The following BMP1 variants were observed in gnomAD, a reference collection of about 807,000 sequenced individuals.
BMP1 encodes the protein bone morphogenetic protein 1.
A neutral mutation model predicts 116.8 loss-of-function variants in BMP1; 63 were observed. The ratio of observed to expected loss-of-function variants is 0.54; its 90% CI spans 0.44 to 0.67. BMP1 has a LOEUF of 0.67. Among genes scored for constraint, BMP1 ranks in the 30% least tolerant of loss-of-function variants. The pLI is 0.00. For missense variants in BMP1, 1,183 were observed against 1,358.9 expected, an observed-to-expected ratio of 0.87 and a Z score of 2.04; for synonymous variants, 536 against 533.4, an observed-to-expected ratio of 1.00 and a Z score of -0.07.
rs758509502 is a variant in BMP1, at chr8:22,194,030, C to T, written c.1181-28C>T. On this transcript the variant is annotated intron_variant, in intron 9 of 19. Transcript: ENST00000306385. The surrounding 1 kb of genome is among the most constrained non-coding windows in gnomAD (Gnocchi z 4.5). ...TATAGGGGGTGTCCTCAGGGTTCACCACTCTTCCATCCACACTGTCTGTGC... is the reference window on the plus strand; with the variant it reads ...TATAGGGGGTGTCCTCAGGGTTCACTACTCTTCCATCCACACTGTCTGTGC... 3.7e-5 allele frequency: 59 copies of T among 1,592,612 alleles called. No individual in the cohort carries two copies. The highest frequency in any genetic ancestry group is 1.7e-4 in the Middle Eastern group (1 of 6,034).
intron 8 of BMP1, among the ~76,000 whole-genome samples, chr8:22,189,460 A>AT (rs1482819835): frequency 2.3e-4 from 33 of 146,060 alleles, no homozygotes; most frequent in East Asian, 7.8e-4. Context: ...ACACACACAC[A>AT]CATATCTTAT....
At chr8:22,185,828 C>CTTTTTTT (rs71204540) in intron 8 of BMP1, among the ~76,000 whole-genome samples, 33 of 80,944 alleles carry the variant, frequency 4.1e-4, no homozygotes, top group African/African-American at 8.5e-4. Context: ...CACTGTCTTT[C>CTTTTTTT]TTTTTTTTTT....
At chr8:22,176,502 C>T (rs375603029) in intron 3 of BMP1, 31 bp from the exon 4 acceptor site, 31 of 1,609,112 alleles carry the variant, frequency 1.9e-5, no homozygotes, top group Non-Finnish European at 2.4e-5. Flanking sequence ...GCCTGGACAC[C>T]GTGGCAACCT....
intron 1 of BMP1, among the ~76,000 whole-genome samples, chr8:22,167,056 C>T (rs979511635): frequency 6.6e-6 from 1 of 152,188 alleles, no homozygotes; most frequent in Non-Finnish European, 1.5e-5. Context: ...TGAAAACATA[C>T]ATAAAACACT....
At chr8:22,168,431 T>C (rs1346788087) in intron 1 of BMP1, among the ~76,000 whole-genome samples, 1 of 151,960 alleles carries the variant, frequency 6.6e-6, no homozygotes, top group African/African-American at 2.4e-5. Context: ...ACACAGTTGA[T>C]CCCAAAATCA....
At chr8:22,167,797 G>A (rs1289826687) in intron 1 of BMP1, among the ~76,000 whole-genome samples, 1 of 152,308 alleles carries the variant, frequency 6.6e-6, no homozygotes, top group East Asian at 1.9e-4. Context: ...TGATGCTTGA[G>A]ATCTGCTGCC....
chr8:22,186,595 T>C (rs1417392492), intron 8 of BMP1, among the ~76,000 whole-genome samples: 1 of 152,128 alleles, frequency 6.6e-6, no homozygotes, highest in Non-Finnish European at 1.5e-5. Context: ...GCCTCCCAAG[T>C]AGCTGGGACT....
chr8:22,186,020 G>A (rs1828761567), intron 8 of BMP1, among the ~76,000 whole-genome samples: 1 of 151,754 alleles, frequency 6.6e-6, no homozygotes, highest in Admixed American at 6.6e-5. Flanking sequence ...ATTTTTAGTA[G>A]AGACAGGGTG....
chr8:22,185,366 C>T (rs952349679), intron 8 of BMP1, among the ~76,000 whole-genome samples: 2 of 151,784 alleles, frequency 1.3e-5, no homozygotes, highest in African/African-American at 2.4e-5. Context: ...GCAGGAGAAT[C>T]GCTCGCTCAA....
At chr8:22,205,859 G>A (rs548293777) in intron 16 of BMP1, among the ~76,000 whole-genome samples, 3 of 152,362 alleles carry the variant, frequency 2.0e-5, no homozygotes, top group East Asian at 1.9e-4. Context: ...ACAGGAGGTG[G>A]CCACAGAGGG....
At chr8:22,187,079 A>T (rs1828793033) in intron 8 of BMP1, among the ~76,000 whole-genome samples, 1 of 151,686 alleles carries the variant, frequency 6.6e-6, no homozygotes, top group African/African-American at 2.4e-5. Flanking sequence ...CAACCTCTGC[A>T]TCTCGGGTTC....
chr8:22,179,957 AC>A lies in BMP1; in HGVS notation c.961+132del. ...AGAGAATGGTGTGGCGGGGGAGGGG[AC>A]CCCATAGGAGGGGCAGTGTCCAAGT... On this transcript the variant is annotated intron_variant, in intron 7 of 19. Transcript: ENST00000306385. This position sits in a 1 kb window ranked among gnomAD's most constrained non-coding sequence, Gnocchi z 4.6. The A allele has an allele frequency of 9.1e-7, 1 of 1,099,136 alleles. No individual in the cohort carries two copies. Among genetic ancestry groups the A allele is most frequent in the Non-Finnish European group, 1.3e-6 (1 of 785,156 alleles). The allele number at this position is 1,099,136 out of a possible 1,614,324, so 68.1% of individuals were successfully genotyped here.
In BMP1 at chr8:22,184,671, C is replaced by T. The variant is rs56155053; in HGVS notation, c.1077+4188C>T. 7.0e-3 allele frequency among the ~76,000 whole-genome samples: 1,067 copies of T among 152,260 alleles called. 10 individuals are homozygous for T. Among genetic ancestry groups the T allele is most frequent in the African/African-American group, 0.024 (1,009 of 41,544 alleles). Reference sequence around the variant, plus strand: ...GGAAAGCATTAGGCACCTTACATGCCGGACCTCGCTATTCCCCATAACACT... The same window carrying T: ...GGAAAGCATTAGGCACCTTACATGCTGGACCTCGCTATTCCCCATAACACT... On this transcript the variant is annotated intron_variant, in intron 8 of 19. Coordinates refer to ENST00000306385, the MANE Select transcript of BMP1 (RefSeq NM_006129.5).
At chr8:22,210,110 A>C (rs1563284016) in intron 19 of BMP1, among the ~76,000 whole-genome samples, 1 of 152,372 alleles carries the variant, frequency 6.6e-6, no homozygotes, top group South Asian at 2.1e-4. Context: ...GGCCCTCACC[A>C]GTCCTTTTGC....
intron 16 of BMP1, among the ~76,000 whole-genome samples, chr8:22,203,486 G>A (rs1351850579): frequency 1.3e-5 from 2 of 152,130 alleles, no homozygotes; most frequent in Non-Finnish European, 2.9e-5. Flanking sequence ...GAACCTGGAA[G>A]GCGGAGGTTG....
rs919490693 is a variant in BMP1 at position 22,187,457 on chromosome 8, A to G, written c.1078-4592A>G. Among the ~76,000 whole-genome samples the G allele has an allele frequency of 6.7e-5, 10 of 148,592 alleles. No individual in the cohort carries two copies. The East Asian group carries it at 1.6e-3, about 23-fold the overall frequency. ...GCCATTCTCCTGCCTCAGCCTCCTC[A>G]GTAGCTGGGACTACAGGAGCCCGCC... On this transcript the variant is annotated intron_variant, in intron 8 of 19. Coordinates refer to ENST00000306385, the MANE Select transcript of BMP1 (RefSeq NM_006129.5).
chr8:22,194,410 A>G lies in BMP1; in HGVS notation c.1298-35A>G, dbSNP rs201375350. On this transcript the variant is annotated intron_variant, in intron 10 of 19. Transcript: ENST00000306385. The surrounding 1 kb of genome is among the most constrained non-coding windows in gnomAD (Gnocchi z 4.5). Reference sequence around the variant, plus strand: ...CTAGCAGGGCAAAGCATGCTGACTCACCACCCCTTCCCACCCCATCCTGTG... The same window carrying G: ...CTAGCAGGGCAAAGCATGCTGACTCGCCACCCCTTCCCACCCCATCCTGTG... The G allele has an allele frequency of 6.8e-6, 11 of 1,612,086 alleles. No homozygotes were observed. The Admixed American group carries it at 1.2e-4, about 17-fold the overall frequency.
In BMP1 at chr8:22,177,790, G is replaced by A. The variant is rs751622746; in HGVS notation, c.731-62G>A. On this transcript the variant is annotated intron_variant, in intron 5 of 19. Coordinates refer to ENST00000306385, the MANE Select transcript of BMP1 (RefSeq NM_006129.5). ...CCATTCCCTGCCCTGGAAAGTGAGC[G>A]TTGCATCCCAGGCAGACCCACCCCC... is the stretch of plus-strand genomic sequence containing the variant. The A allele has an allele frequency of 7.2e-5, 89 of 1,242,204 alleles. 1 individual carries two copies. Among genetic ancestry groups the A allele is most frequent in the Admixed American group, 4.4e-4 (25 of 57,208 alleles). The allele number at this position is 1,242,204 out of a possible 1,614,324, so 76.9% of individuals were successfully genotyped here.
At chr8:22,181,363 C>A (rs1276161240) in intron 8 of BMP1, among the ~76,000 whole-genome samples, 1 of 152,156 alleles carries the variant, frequency 6.6e-6, no homozygotes, top group Admixed American at 6.5e-5. Context: ...CGGATGTGAC[C>A]TCCTTCAGGA....
Sources: allele counts gnomAD v4.1 joint callset (sites outside exome capture counted in the v4.1 genomes callset), GRCh38; gene constraint gnomAD v4.1.1; non-coding constraint Gnocchi (gnomAD v3.1); transcripts MANE v1.5; gene names NCBI Gene and HGNC (gene_info 2026-07-23, HGNC 2026-07-21).